The following WDR41 variants were observed in gnomAD, a reference collection of about 807,000 sequenced individuals.
WDR41 encodes WD repeat domain 41, also known as WD repeat-containing protein 41.
A neutral mutation model predicts 69.3 loss-of-function variants in WDR41; 63 were observed. The ratio of observed to expected loss-of-function variants is 0.91; its 90% confidence interval spans 0.74 to 1.12. The LOEUF is 1.12. Ranked by LOEUF, WDR41 falls within the 50% of genes most tolerant of loss-of-function variation. The pLI is 0.00. For synonymous variants in WDR41, 185 were observed against 192.1 expected (o/e 0.96, Z 0.31); for missense variants, 543 against 534.5 (o/e 1.02, Z -0.16).
Position 77,546,352 on chromosome 5 carries a change from A to G in WDR41, c.43-56780T>C, listed in dbSNP as rs3846674. 5.1e-3 allele frequency: 1,179 copies of G among 232,070 alleles called. 17 individuals carry two copies. The highest frequency in any genetic ancestry group is 0.025 in the African/African-American group (1,109 of 43,798). 14.4% of individuals were successfully genotyped at this position (232,070 alleles called of 1,614,324 possible). On this transcript the variant is annotated intron_variant, in intron 1 of 5. Transcript: ENST00000509971. ...AAAAGCTGGTTCTTTGAAATGATAA[A>G]TAAAATCGATGGACCATTAGCAAGA...
intron 1 of WDR41, among the ~76,000 whole-genome samples, chr5:77,611,762 G>T (rs1189416358): frequency 6.6e-6 from 1 of 150,794 alleles, no homozygotes; most frequent in African/African-American, 2.4e-5. Context: ...ACATTCAAAA[G>T]CTAGCAGAAG....
chr5:77,464,662 G>T (rs955378742), intron 3 of WDR41, 99 bp downstream of exon 3: 7 of 1,189,662 alleles, frequency 5.9e-6, no homozygotes, highest in African/African-American at 1.5e-5. Flanking sequence ...TCAATTAACA[G>T]TGATATGTAA....
At chr5:77,607,228 C>T (rs140280844) in intron 1 of WDR41, among the ~76,000 whole-genome samples, 3 of 152,262 alleles carry the variant, frequency 2.0e-5, no homozygotes, top group African/African-American at 7.2e-5. Context: ...AGGCTATCAA[C>T]ACTTGAACCC....
chr5:77,488,897 A>G (rs1011337566), intron 2 of WDR41, among the ~76,000 whole-genome samples: 1 of 152,214 alleles, frequency 6.6e-6, no homozygotes, highest in Non-Finnish European at 1.5e-5. Context: ...ATATACATAT[A>G]TACATATCAG....
intron 1 of WDR41, among the ~76,000 whole-genome samples, chr5:77,606,406 G>A (rs1311640423): frequency 6.6e-6 from 1 of 152,210 alleles, no homozygotes; most frequent in Non-Finnish European, 1.5e-5. Flanking sequence ...ATAGAGTGCA[G>A]ACATTATTTA....
intron 2 of WDR41, among the ~76,000 whole-genome samples, chr5:77,469,859 A>G (rs1800491689): frequency 6.6e-6 from 1 of 152,206 alleles, no homozygotes; most frequent in Non-Finnish European, 1.5e-5. Context: ...ACTCTGCAGG[A>G]TATTATACAG....
At chr5:77,620,513 T>C (rs1429683627) in exon 1 of WDR41, 1 of 456,254 alleles carries the variant, frequency 2.2e-6, no homozygotes, top group Admixed American at 2.3e-5. Flanking sequence ...ACAATTAGCT[T>C]CATGCATACA....
intron 1 of WDR41, among the ~76,000 whole-genome samples, chr5:77,591,699 G>T (rs1051276824): frequency 6.6e-6 from 1 of 151,992 alleles, no homozygotes; most frequent in Non-Finnish European, 1.5e-5. Context: ...ATGTTTGGGG[G>T]TTTACTCGTT....
At chr5:77,549,312 A>G (rs971284589) in intron 1 of WDR41, among the ~76,000 whole-genome samples, 1 of 152,142 alleles carries the variant, frequency 6.6e-6, no homozygotes, top group Admixed American at 6.5e-5. Flanking sequence ...AATGAGTCAA[A>G]TTATCTTTCT....
chr5:77,445,102 C>G (rs144485912), intron 8 of WDR41, among the ~76,000 whole-genome samples: 2,579 of 152,190 alleles, frequency 0.017, 66 homozygotes, highest in African/African-American at 0.056. Context: ...AAGGGGACAG[C>G]ACCACTGATC....
chr5:77,503,526 C>T (rs932892302), intron 1 of WDR41, among the ~76,000 whole-genome samples: 1 of 152,170 alleles, frequency 6.6e-6, no homozygotes, highest in South Asian at 2.1e-4. Context: ...CCAAGCAGAC[C>T]TAATAGACAT....
chr5:77,534,199 C>T (rs1742920801), intron 1 of WDR41, among the ~76,000 whole-genome samples: 1 of 151,954 alleles, frequency 6.6e-6, no homozygotes. Context: ...AAAAAATAAT[C>T]CCATAAACTA....
At chr5:77,588,146 G>T (rs1475050700) in intron 1 of WDR41, among the ~76,000 whole-genome samples, 1 of 152,066 alleles carries the variant, frequency 6.6e-6, no homozygotes, top group Non-Finnish European at 1.5e-5. Flanking sequence ...TTTCCTTATT[G>T]ATGGTTAGTA....
chr5:77,616,139 G>A (rs1293458154), intron 1 of WDR41, among the ~76,000 whole-genome samples: 2 of 150,624 alleles, frequency 1.3e-5, no homozygotes, highest in Non-Finnish European at 1.5e-5. Flanking sequence ...TTTTTAGGTG[G>A]GGGAAATTGG....
intron 1 of WDR41, among the ~76,000 whole-genome samples, chr5:77,581,375 A>G (rs1743936836): frequency 6.6e-6 from 1 of 152,250 alleles, no homozygotes. Flanking sequence ...GACAGAAATG[A>G]AGGGAGAAAC....
At chr5:77,571,996 C>T (rs1351619793) in intron 1 of WDR41, among the ~76,000 whole-genome samples, 2 of 152,094 alleles carry the variant, frequency 1.3e-5, no homozygotes, top group Non-Finnish European at 2.9e-5. Context: ...CTGCAAGCAA[C>T]CACGGAAGGC....
chr5:77,562,180 T>C (rs1743539941), intron 1 of WDR41, among the ~76,000 whole-genome samples: 1 of 152,158 alleles, frequency 6.6e-6, no homozygotes, highest in African/African-American at 2.4e-5. Context: ...CTGCTGCGCT[T>C]GTCACAGGCT....
At chr5:77,592,243 A>G (rs1744148887) in intron 1 of WDR41, among the ~76,000 whole-genome samples, 1 of 152,162 alleles carries the variant, frequency 6.6e-6, no homozygotes, top group South Asian at 2.1e-4. Flanking sequence ...TGGCACTATA[A>G]GCAGCATATA....
Position 77,489,497 on chromosome 5 carries a change from G to C in WDR41, c.127C>G (p.His43Asp). ...YTELLVLKAH[H>D]DIVRFLVQLD... ...TGTACCAGAAATCGTACAATATCAT[G>C]ATGAGCCTTCAGTACTAGCAGTTCA... Residue 43 changes from histidine to aspartate, a missense_variant, in exon 2 of 13, where the codon CAT (histidine) becomes GAT (aspartate). Coordinates refer to ENST00000296679, the MANE Select transcript of WDR41 (RefSeq NM_018268.4). 6 of 1,608,558 alleles carry C rather than the reference G, an allele frequency of 3.7e-6. No homozygotes were observed. Among genetic ancestry groups the C allele is most frequent in the Non-Finnish European group, 4.2e-6 (5 of 1,177,858 alleles).
Sources: gnomAD v4.1 joint callset for allele counts (sites outside exome capture counted in the v4.1 genomes callset) on GRCh38, gnomAD v4.1.1 for gene constraint, MANE v1.5 for transcripts, NCBI Gene and HGNC (gene_info 2026-07-23, HGNC 2026-07-21) for gene names.